CEACAM18: variants seen among roughly 807,000 people sequenced by gnomAD.
CEACAM18 encodes the protein cell adhesion molecule CEACAM18.
In CEACAM18, 33 loss-of-function variants were observed where a neutral mutation model predicts 34.3. The observed-to-expected ratio is 0.96, with a 90% CI of 0.73 to 1.29. CEACAM18 has a LOEUF of 1.29. CEACAM18 is among the 50% of genes most tolerant of loss of function. The pLI is 0.00. For missense variants in CEACAM18, 474 were observed against 485.0 expected (o/e 0.98, Z 0.21); for synonymous variants, 169 against 180.9 (o/e 0.93, Z 0.53).
intron 2 of CEACAM18, 123 bp downstream of exon 2, chr19:51,480,803 T>C: frequency 1.1e-6 from 1 of 877,094 alleles, no homozygotes; most frequent in East Asian, 2.6e-5. Context: ...CCTGGAATCT[T>C]GTGTACCATG....
At chr19:51,482,133 T>C (rs752582495) in intron 3 of CEACAM18, among the ~76,000 whole-genome samples, 2 of 152,190 alleles carry the variant, frequency 1.3e-5, no homozygotes, top group Non-Finnish European at 2.9e-5. Context: ...AACAGAGAGC[T>C]TTATTTAAAG....
intron 5 of CEACAM18, 25 bp downstream of exon 5, chr19:51,485,147 G>C (rs754641799): frequency 6.8e-7 from 1 of 1,477,960 alleles, no homozygotes; most frequent in South Asian, 1.4e-5. Context: ...CTGGGACAAG[G>C]GTGGGATGTT....
rs1455179944 is a variant in CEACAM18 at position 51,483,309 on chromosome 19, C to T, written c.953+13C>T. 1 of 1,613,478 alleles carries T rather than the reference C, an allele frequency of 6.2e-7. No homozygotes were observed. The highest frequency in any genetic ancestry group is 1.3e-5 in the African/African-American group (1 of 75,000). Reference sequence around the variant, plus strand: ...AGGCCCCCCATGAGTGCAGCAGCTCCCCTCCAGGCTCATGCTTTGCACATC... The same window carrying T: ...AGGCCCCCCATGAGTGCAGCAGCTCTCCTCCAGGCTCATGCTTTGCACATC... On this transcript the variant is annotated intron_variant, in intron 4 of 5. Coordinates refer to ENST00000396477, the Ensembl canonical transcript of CEACAM18.
chr19:51,484,848 C>A, intron 4 of CEACAM18, 139 bp from the exon 5 acceptor site: 2 of 1,091,044 alleles, frequency 1.8e-6, no homozygotes, highest in Non-Finnish European at 2.6e-6. Context: ...TGCTGAATCC[C>A]TCGTACCTGG....
chr19:51,490,108 G>A (rs983696512), intron 5 of CEACAM18, among the ~76,000 whole-genome samples: 5 of 152,192 alleles, frequency 3.3e-5, no homozygotes, highest in African/African-American at 9.7e-5. Context: ...TGTTCTGGCT[G>A]TGTGACCTGG....
At chr19:51,478,576 G>A (rs1330322912), upstream of CEACAM18, 3 of 1,407,444 alleles carry the variant, frequency 2.1e-6, no homozygotes, top group Non-Finnish European at 3.0e-6. Flanking sequence ...CACAGGTCTT[G>A]GAGGGAGCAG....
chr19:51,484,327 T>C (rs1239447943), intron 4 of CEACAM18, among the ~76,000 whole-genome samples: 1 of 151,694 alleles, frequency 6.6e-6, no homozygotes, highest in Non-Finnish European at 1.5e-5. Flanking sequence ...GCTTTTTTTT[T>C]TTTTTTAACA....
exon 5 of CEACAM18, chr19:51,485,035 T>A: frequency 6.5e-7 from 1 of 1,536,106 alleles, no homozygotes; most frequent in Non-Finnish European, 8.7e-7. Context: ...GGATCCATGG[T>A]GATGTTCCTC....
rs747600940 is a variant in CEACAM18 at position 51,481,362 on chromosome 19, GT to G, written c.401-30del. The G allele has an allele frequency of 4.4e-6, 7 of 1,604,590 alleles. No individual in the cohort carries two copies. In the Admixed American group the frequency reaches 5.0e-5, roughly 12 times the overall value. On this transcript the variant is annotated intron_variant, in intron 2 of 5. Coordinates refer to ENST00000396477, the Ensembl canonical transcript of CEACAM18. ...GAGCTTGGGGAAGCAGACCCCACTT[GT>G]AATTTTTTTCTCTTTCCTGCTTCAC... is the stretch of plus-strand genomic sequence containing the variant.
intron 2 of CEACAM18, 78 bp from the exon 3 acceptor site, chr19:51,481,315 A>G: frequency 6.8e-7 from 1 of 1,475,474 alleles, no homozygotes; most frequent in Non-Finnish European, 9.2e-7. Context: ...CAACATGCCC[A>G]GAAGTCCCCT....
chr19:51,488,672 TG>T (rs1288652994), intron 5 of CEACAM18, among the ~76,000 whole-genome samples: 15 of 152,168 alleles, frequency 9.9e-5, no homozygotes, highest in Non-Finnish European at 7.4e-5. Flanking sequence ...GGCTCCTCCC[TG>T]GGGGCAGGCC....
At chr19:51,487,657 T>C (rs1306149907) in intron 5 of CEACAM18, among the ~76,000 whole-genome samples, 2 of 152,022 alleles carry the variant, frequency 1.3e-5, no homozygotes, top group Non-Finnish European at 2.9e-5. Context: ...TCCCAGTTAC[T>C]TGGGAGGCTG....
chr19:51,484,290 A>G (rs1442038311), intron 4 of CEACAM18, among the ~76,000 whole-genome samples: 1 of 151,404 alleles, frequency 6.6e-6, no homozygotes, highest in Non-Finnish European at 1.5e-5. Context: ...CTGGACTACA[A>G]GATTCAGGAG....
intron 5 of CEACAM18, among the ~76,000 whole-genome samples, chr19:51,487,004 A>G (rs1031171969): frequency 1.3e-5 from 2 of 151,818 alleles, no homozygotes. Flanking sequence ...TTACAGGCAT[A>G]AGCCACCGCG....
At chr19:51,478,765 G>T (rs1568522457) in intron 1 of CEACAM18, 71 bp downstream of exon 1, 1 of 1,187,332 alleles carries the variant, frequency 8.4e-7, no homozygotes, top group Non-Finnish European at 1.1e-6. Context: ...AAGCGGCGGG[G>T]AGGGGGCTGG....
chr19:51,481,146 T>A (rs150655793), intron 2 of CEACAM18, among the ~76,000 whole-genome samples: 1 of 152,174 alleles, frequency 6.6e-6, no homozygotes, highest in Non-Finnish European at 1.5e-5. Flanking sequence ...AGGCCACATG[T>A]TTATGCCAAG....
intron 5 of CEACAM18, 37 bp from the exon 6 acceptor site, chr19:51,490,550 C>G: frequency 4.9e-6 from 6 of 1,231,988 alleles, no homozygotes; most frequent in Non-Finnish European, 6.1e-6. Flanking sequence ...TTCTTAGGGA[C>G]CTGAGATGTG....
chr19:51,488,219 C>T (rs1212857903), intron 5 of CEACAM18, among the ~76,000 whole-genome samples: 1 of 152,074 alleles, frequency 6.6e-6, no homozygotes. Flanking sequence ...GAGAGAGTGG[C>T]CATGACATAG....
chr19:51,480,769 CG>C, intron 2 of CEACAM18, 89 bp downstream of exon 2: 1 of 1,225,094 alleles, frequency 8.2e-7, no homozygotes, highest in Non-Finnish European at 1.1e-6. Context: ...AGCATGACAC[CG>C]GGAGTGGAAA....
Sources: allele counts gnomAD v4.1 joint callset (sites outside exome capture counted in the v4.1 genomes callset), GRCh38; gene constraint gnomAD v4.1.1; transcripts MANE v1.5; gene names NCBI Gene and HGNC (gene_info 2026-07-23, HGNC 2026-07-21).